PPP1R1C: variants seen among roughly 807,000 people sequenced by gnomAD.
PPP1R1C encodes the protein protein phosphatase 1 regulatory inhibitor subunit 1C.
PPP1R1C carries 15 observed loss-of-function variants against 17.4 expected under a neutral mutation model. That is an observed-to-expected ratio of 0.86 (90% CI 0.58 to 1.33). PPP1R1C has a LOEUF of 1.33. Ranked by LOEUF, PPP1R1C falls within the 40% of genes most tolerant of loss-of-function variation. The pLI, the probability that PPP1R1C is intolerant of heterozygous loss-of-function variation, is 0.00. For missense variants in PPP1R1C, 143 were observed against 130.0 expected, an observed-to-expected ratio of 1.10 and a Z score of -0.48; for synonymous variants, 35 against 43.1, an observed-to-expected ratio of 0.81 and a Z score of 0.73.
At chr2:181,981,741 A>G (rs1036238543), upstream of PPP1R1C, among the ~76,000 whole-genome samples, 1 of 152,214 alleles carries the variant, frequency 6.6e-6, no homozygotes, top group Non-Finnish European at 1.5e-5. Context: ...TCTTTGATGG[A>G]GGAAATGAAT....
At position 181,992,446 on chromosome 2, in the gene PPP1R1C, T is replaced by A. The variant is rs1027254182; in HGVS notation, c.142+4547T>A. ...CCCAGAGCTGGACACAGTCTTCCAG[T>A]AAAAAGCCAGCCTAGACCAGGTCTT... is the stretch of plus-strand genomic sequence containing the variant. On this transcript the variant is annotated intron_variant, in intron 2 of 4. Transcript: ENST00000682840. Among the ~76,000 whole-genome samples, 4 of 134,862 alleles carry A rather than the reference T, an allele frequency of 3.0e-5. 1 individual carries two copies. The highest frequency in any genetic ancestry group is 8.3e-5 in the African/African-American group (3 of 36,172). 88.5% of individuals were successfully genotyped at this position (134,862 alleles called of 152,430 possible). A position where few individuals can be genotyped will look rare whatever the true frequency, so the allele number is the denominator to read the frequency against.
rs577078039 is a variant in PPP1R1C at position 182,107,487 on chromosome 2, A to G, written c.242-9720A>G. On this transcript the variant is annotated intron_variant, in intron 4 of 4. Transcript: ENST00000682840. ...TTTATAAAAACACTTTTAAAAATACAAAAACATTGTAGAGACGGAACGAAA... is the reference window on the plus strand; with the variant it reads ...TTTATAAAAACACTTTTAAAAATACGAAAACATTGTAGAGACGGAACGAAA... Among the ~76,000 whole-genome samples the G allele has an allele frequency of 2.0e-5, 3 of 152,338 alleles. No homozygotes were observed. In the East Asian group the frequency reaches 5.8e-4, roughly 29 times the overall value.
chr2:182,095,947 C>G (rs1475487545), intron 4 of PPP1R1C, among the ~76,000 whole-genome samples: 1 of 151,248 alleles, frequency 6.6e-6, no homozygotes, highest in Non-Finnish European at 1.5e-5. Flanking sequence ...TGCACTCCAG[C>G]CTGGGCAACA....
intron 2 of PPP1R1C, among the ~76,000 whole-genome samples, chr2:181,977,770 A>G (rs1685120452): frequency 6.6e-6 from 1 of 152,074 alleles, no homozygotes; most frequent in Admixed American, 6.5e-5. Flanking sequence ...CTGCTCCACT[A>G]TGTTGAGGGC....
intron 2 of PPP1R1C, among the ~76,000 whole-genome samples, chr2:182,029,235 G>A (rs1421076267): frequency 1.3e-5 from 2 of 150,592 alleles, no homozygotes; most frequent in Non-Finnish European, 2.9e-5. Flanking sequence ...ATTGTCATGT[G>A]TGAATTTGAT....
At chr2:182,092,430 GC>G (rs1281385683) in intron 4 of PPP1R1C, among the ~76,000 whole-genome samples, 9 of 151,992 alleles carry the variant, frequency 5.9e-5, no homozygotes, top group African/African-American at 2.2e-4. Context: ...ATATCATTCA[GC>G]CCCTGGCCCC....
At position 182,063,245 on chromosome 2, in the gene PPP1R1C, A is replaced by G. The variant is rs904336725; in HGVS notation, c.181-486A>G. 4.6e-5 allele frequency among the ~76,000 whole-genome samples: 7 copies of G among 152,186 alleles called. No individual in the cohort carries two copies. In the East Asian group the frequency reaches 1.2e-3, roughly 25 times the overall value. On this transcript the variant is annotated intron_variant, in intron 3 of 4. Coordinates refer to ENST00000682840, the MANE Select transcript of PPP1R1C (RefSeq NM_001080545.3). ...ATTATAATTCCAAGTAAATGGAGGTAATAGTTGAACATGTCAATTCAAGAG... is the reference window on the plus strand; with the variant it reads ...ATTATAATTCCAAGTAAATGGAGGTGATAGTTGAACATGTCAATTCAAGAG...
chr2:182,091,488 T>A lies in PPP1R1C; in HGVS notation c.242-25719T>A, dbSNP rs1318160938. On this transcript the variant is annotated intron_variant, in intron 4 of 4. Coordinates refer to ENST00000682840, the MANE Select transcript of PPP1R1C (RefSeq NM_001080545.3). ...GCTGTTTTTCTTAAAAAAAAAATAA[T>A]AAAAAAAAAAGGTAAATACACTAGT... Among the ~76,000 whole-genome samples the A allele has an allele frequency of 8.1e-4, 119 of 146,416 alleles. 1 individual carries two copies. The highest frequency in any genetic ancestry group is 2.9e-3 in the African/African-American group (113 of 38,312).
At chr2:182,064,948 C>G (rs1178354561) in intron 4 of PPP1R1C, among the ~76,000 whole-genome samples, 1 of 152,036 alleles carries the variant, frequency 6.6e-6, no homozygotes, top group Admixed American at 6.6e-5. Flanking sequence ...TTTAGGTTCA[C>G]TTAAACTAAA....
downstream of PPP1R1C, among the ~76,000 whole-genome samples, chr2:182,120,745 A>G (rs568553372): frequency 6.6e-6 from 1 of 152,244 alleles, no homozygotes; most frequent in South Asian, 2.1e-4. Flanking sequence ...TTTCAAAGGG[A>G]CTCAGGCAAA....
intron 2 of PPP1R1C, among the ~76,000 whole-genome samples, chr2:182,036,849 G>A (rs1038340598): frequency 7.9e-5 from 12 of 152,104 alleles, no homozygotes; most frequent in African/African-American, 1.7e-4. Flanking sequence ...CATTTTCAAG[G>A]TGAACTCACT....
In PPP1R1C at chr2:181,987,863, G is replaced by T; in HGVS notation, c.106G>T (p.Ala36Ser). ...EQIRKRRPTP[A>S]SLVILNEHNP... ...GATCAGGAAAAGAAGACCTACACCA[G>T]CATCACTTGTGATTCTCAATGAGCA... is the stretch of plus-strand genomic sequence containing the variant. Residue 36 changes from alanine to serine, a missense_variant, in exon 2 of 5, where the codon GCA becomes TCA. Transcript: ENST00000682840. The T allele has an allele frequency of 1.2e-6, 2 of 1,613,354 alleles. No individual in the cohort carries two copies. The highest frequency in any genetic ancestry group is 1.7e-6 in the Non-Finnish European group (2 of 1,179,546).
At chr2:182,108,051 A>G (rs56340996) in intron 4 of PPP1R1C, among the ~76,000 whole-genome samples, 102,966 of 151,590 alleles carry the variant, frequency 0.68, 35,234 homozygotes, top group African/African-American at 0.75. Context: ...ATACCCATCA[A>G]CAAACAAGTA....
intron 5 of PPP1R1C, among the ~76,000 whole-genome samples, chr2:182,123,533 A>G (rs1689789426): frequency 6.6e-6 from 1 of 152,142 alleles, no homozygotes; most frequent in Non-Finnish European, 1.5e-5. Context: ...TGACTTTTTA[A>G]TGATCGCCAT....
intron 2 of PPP1R1C, among the ~76,000 whole-genome samples, chr2:182,017,090 A>G (rs1351413656): frequency 6.6e-6 from 1 of 152,226 alleles, no homozygotes; most frequent in East Asian, 1.9e-4. Context: ...TTGGTAGGCC[A>G]ACAGGCTTTA....
intron 2 of PPP1R1C, among the ~76,000 whole-genome samples, chr2:182,003,963 G>C (rs1203887880): frequency 2.6e-5 from 4 of 152,098 alleles, no homozygotes; most frequent in Non-Finnish European, 4.4e-5. Flanking sequence ...CTGATGATTA[G>C]TCAGATTCCA....
chr2:182,094,431 G>T (rs1189669308), intron 4 of PPP1R1C, among the ~76,000 whole-genome samples: 1 of 152,148 alleles, frequency 6.6e-6, no homozygotes, highest in Non-Finnish European at 1.5e-5. Context: ...GTACAGACTG[G>T]TCCCCAATAT....
At chr2:182,099,375 C>A (rs1403795775) in intron 4 of PPP1R1C, among the ~76,000 whole-genome samples, 1 of 151,992 alleles carries the variant, frequency 6.6e-6, no homozygotes, top group Admixed American at 6.5e-5. Flanking sequence ...AATGAAGGTG[C>A]AAAGGAAAGA....
At position 182,097,680 on chromosome 2, in the gene PPP1R1C, A is replaced by G. The variant is rs192482253; in HGVS notation, c.242-19527A>G. Among the ~76,000 whole-genome samples the G allele has an allele frequency of 6.0e-4, 91 of 152,182 alleles. 1 individual carries two copies. Among genetic ancestry groups the G allele is most frequent in the African/African-American group, 2.1e-3 (88 of 41,526 alleles). ...CCTGTCTTAATTTGGCTTGAAATGG[A>G]TCTGTTGGTTGTGCATTTCTGTATC... On this transcript the variant is annotated intron_variant, in intron 4 of 4. Coordinates refer to ENST00000682840, the MANE Select transcript of PPP1R1C (RefSeq NM_001080545.3).
Sources: gnomAD v4.1 joint callset for allele counts (sites outside exome capture counted in the v4.1 genomes callset) on GRCh38, gnomAD v4.1.1 for gene constraint, MANE v1.5 for transcripts, NCBI Gene and HGNC (gene_info 2026-07-23, HGNC 2026-07-21) for gene names.